The following ADARB2 variants were observed in gnomAD, a reference collection of about 807,000 sequenced individuals.
The protein encoded by ADARB2 is adenosine deaminase RNA specific B2 (inactive), also known as inactive double-stranded RNA-specific editase B2.
ADARB2 carries 25 observed loss-of-function variants against 62.2 expected under a neutral mutation model. The observed-to-expected ratio is 0.40, with a 90% CI of 0.29 to 0.56. The LOEUF is 0.56. ADARB2 is among the 20% of genes least tolerant of loss of function. ADARB2 has a pLI of 0.43. For missense variants in ADARB2, 1,071 were observed against 1,077.4 expected, an observed-to-expected ratio of 0.99 and a Z score of 0.08; for synonymous variants, 572 against 500.8, an observed-to-expected ratio of 1.14 and a Z score of -1.90.
intron 3 of ADARB2, among the ~76,000 whole-genome samples, chr10:1,347,643 G>A (rs936005793): frequency 2.6e-5 from 4 of 152,148 alleles, no homozygotes; most frequent in African/African-American, 4.8e-5. Context: ...CACGCCCATC[G>A]GCTACGAGAC....
In ADARB2 at chr10:1,363,837, G is replaced by A. The variant is rs1225574207; in HGVS notation, c.268C>T (p.Arg90Trp). 4 of 1,560,852 alleles carry A rather than the reference G, an allele frequency of 2.6e-6. No individual in the cohort carries two copies. The highest frequency in any genetic ancestry group is 1.4e-5 in the African/African-American group (1 of 73,214). ...ARPPPSGDRA[R>W]GGAPGAKRKR... ...CTCTTCGCGCCGGGCGCGCCGCCCCGGGCCCGGTCCCCGGAGGGCGGTGGC... is the reference window on the plus strand; with the variant it reads ...CTCTTCGCGCCGGGCGCGCCGCCCCAGGCCCGGTCCCCGGAGGGCGGTGGC... Residue 90 changes from arginine (R) to tryptophan (W), a missense_variant, in exon 3 of 10, where the codon CGG (arginine) becomes TGG (tryptophan). Transcript: ENST00000381312.
intron 1 of ADARB2, among the ~76,000 whole-genome samples, chr10:1,622,731 T>C (rs191669749): frequency 3.9e-5 from 6 of 152,326 alleles, no homozygotes; most frequent in African/African-American, 1.4e-4. Flanking sequence ...CTGCTCAGCA[T>C]TTAGAATGCA....
At chr10:1,198,941 C>T (rs187606019) in intron 8 of ADARB2, among the ~76,000 whole-genome samples, 32 of 152,262 alleles carry the variant, frequency 2.1e-4, no homozygotes, top group African/African-American at 7.0e-4. Flanking sequence ...CCTTGTGCTG[C>T]GCAAGCTTAA....
chr10:1,713,791 T>C (rs1834981138), intron 1 of ADARB2, among the ~76,000 whole-genome samples: 1 of 152,060 alleles, frequency 6.6e-6, no homozygotes, highest in Non-Finnish European at 1.5e-5. Context: ...TTAAAGCAAA[T>C]TGTCAATGTA....
chr10:1,393,290 G>A (rs186229268), intron 1 of ADARB2, among the ~76,000 whole-genome samples: 7 of 152,312 alleles, frequency 4.6e-5, no homozygotes, highest in Non-Finnish European at 8.8e-5. Flanking sequence ...TGATACAGGC[G>A]TGCAATGCAT....
chr10:1,209,436 C>T (rs1465951039), intron 7 of ADARB2, among the ~76,000 whole-genome samples: 1 of 146,476 alleles, frequency 6.8e-6, no homozygotes, highest in Admixed American at 6.7e-5. Context: ...CATGCCCACA[C>T]CTACAGCCTG....
chr10:1,736,580 A>G (rs1835302972), intron 1 of ADARB2, among the ~76,000 whole-genome samples: 1 of 152,228 alleles, frequency 6.6e-6, no homozygotes, highest in African/African-American at 2.4e-5. Flanking sequence ...CTGCCAGCCA[A>G]TTTGGAGAGG....
intron 1 of ADARB2, among the ~76,000 whole-genome samples, chr10:1,549,468 G>A (rs1159021789): frequency 6.6e-6 from 1 of 152,104 alleles, no homozygotes; most frequent in African/African-American, 2.4e-5. Context: ...CGGGAGGAGG[G>A]TGCAGGGGTG....
At chr10:1,665,519 C>A (rs1834305328) in intron 1 of ADARB2, among the ~76,000 whole-genome samples, 1 of 152,242 alleles carries the variant, frequency 6.6e-6, no homozygotes, top group Non-Finnish European at 1.5e-5. Flanking sequence ...GAGAGGGAAT[C>A]CCCAGGCACC....
intron 1 of ADARB2, among the ~76,000 whole-genome samples, chr10:1,543,848 C>T (rs919669002): frequency 6.6e-5 from 10 of 152,108 alleles, no homozygotes; most frequent in Admixed American, 1.3e-4. Context: ...CCGCCCGTGA[C>T]GTGAGGCAGC....
chr10:1,245,678 T>C (rs1257389550), intron 4 of ADARB2, among the ~76,000 whole-genome samples: 22 of 152,234 alleles, frequency 1.4e-4, no homozygotes, highest in Non-Finnish European at 3.2e-4. Context: ...CATCCTTTTT[T>C]ATGGCTGCAT....
intron 1 of ADARB2, among the ~76,000 whole-genome samples, chr10:1,469,177 T>C (rs184450691): frequency 1.3e-5 from 2 of 151,992 alleles, no homozygotes; most frequent in East Asian, 3.9e-4. Context: ...AACGTTGGAC[T>C]GGGTTTAATG....
intron 3 of ADARB2, among the ~76,000 whole-genome samples, chr10:1,313,417 C>T (rs1331236016): frequency 3.9e-5 from 6 of 152,232 alleles, no homozygotes; most frequent in Admixed American, 3.9e-4. Flanking sequence ...CACTGAGTGC[C>T]AGGCACTGGG....
chr10:1,734,117 C>T (rs1049816289), intron 1 of ADARB2, among the ~76,000 whole-genome samples: 3 of 151,578 alleles, frequency 2.0e-5, no homozygotes, highest in African/African-American at 4.8e-5. Context: ...AAAGAAAGTC[C>T]CTGCTGAAAA....
At chr10:1,668,448 A>T (rs1834339636) in intron 1 of ADARB2, among the ~76,000 whole-genome samples, 2 of 152,192 alleles carry the variant, frequency 1.3e-5, no homozygotes, top group South Asian at 4.1e-4. Flanking sequence ...ACAGTTTGCC[A>T]ATATTTTAGT....
intron 1 of ADARB2, among the ~76,000 whole-genome samples, chr10:1,423,217 C>T (rs1472908609): frequency 2.0e-5 from 3 of 152,222 alleles, no homozygotes; most frequent in Non-Finnish European, 4.4e-5. Flanking sequence ...TGGCCCGGGC[C>T]CTTGTCCCAG....
intron 1 of ADARB2, among the ~76,000 whole-genome samples, chr10:1,438,133 C>T (rs1220102396): frequency 6.6e-6 from 1 of 152,238 alleles, no homozygotes; most frequent in African/African-American, 2.4e-5. Flanking sequence ...CCTTCCTTCC[C>T]CTCAGTGGAC....
chr10:1,420,663 C>T (rs1428028315), intron 1 of ADARB2, among the ~76,000 whole-genome samples: 1 of 144,868 alleles, frequency 6.9e-6, no homozygotes, highest in Non-Finnish European at 1.5e-5. Flanking sequence ...GGCTGAGAAA[C>T]AGAGAGCGAG....
intron 1 of ADARB2, among the ~76,000 whole-genome samples, chr10:1,449,446 C>T (rs1032865268): frequency 2.0e-5 from 3 of 152,192 alleles, no homozygotes; most frequent in Non-Finnish European, 4.4e-5. Context: ...ATCCATTGGT[C>T]CTGTGTGTTT....
Sources: allele counts gnomAD v4.1 joint callset (sites outside exome capture counted in the v4.1 genomes callset), GRCh38; gene constraint gnomAD v4.1.1; transcripts MANE v1.5; gene names NCBI Gene and HGNC (gene_info 2026-07-23, HGNC 2026-07-21).